WASF2: variants seen among roughly 807,000 people sequenced by gnomAD.
WASF2 encodes the protein actin-binding protein WASF2.
In WASF2, 14 loss-of-function variants were observed where a neutral mutation model predicts 45.0. That is an observed-to-expected ratio of 0.31 (90% confidence interval 0.21 to 0.49). The LOEUF is 0.49. Among genes scored for constraint, WASF2 ranks in the 20% least tolerant of loss-of-function variants. The probability of loss-of-function intolerance (pLI) is 0.99; values close to 1 mark genes in which losing one functional copy is unlikely to be tolerated. For missense variants in WASF2, 439 were observed against 636.1 expected (o/e 0.69, Z 3.33); for synonymous variants, 200 against 236.3 (o/e 0.85, Z 1.41).
intron 1 of WASF2, among the ~76,000 whole-genome samples, chr1:27,432,922 C>A (rs1282942115): frequency 6.6e-6 from 1 of 152,054 alleles, no homozygotes. Flanking sequence ...TGCCACCATG[C>A]CTGGCTAATT....
chr1:27,445,679 G>GT (rs2017301313), intron 1 of WASF2, among the ~76,000 whole-genome samples: 6 of 152,126 alleles, frequency 3.9e-5, no homozygotes, highest in African/African-American at 1.4e-4. Context: ...CCCAGCCTCA[G>GT]ATAACATGTG....
chr1:27,436,488 T>C (rs1217721555), intron 1 of WASF2, among the ~76,000 whole-genome samples: 1 of 152,052 alleles, frequency 6.6e-6, no homozygotes, highest in Non-Finnish European at 1.5e-5. Flanking sequence ...AAAAAGAATA[T>C]GCATTTCACT....
At chr1:27,465,663 T>C (rs1426639686) in intron 1 of WASF2, among the ~76,000 whole-genome samples, 4 of 152,144 alleles carry the variant, frequency 2.6e-5, no homozygotes, top group Admixed American at 6.6e-5. Flanking sequence ...AAAATGGCAA[T>C]GGCTAAGGAA....
chr1:27,479,278 T>A (rs1187321432), intron 1 of WASF2, among the ~76,000 whole-genome samples: 1 of 143,360 alleles, frequency 7.0e-6, no homozygotes, highest in Non-Finnish European at 1.5e-5. Flanking sequence ...AGAGTGAGAC[T>A]CCATCTCAAA....
chr1:27,420,514 C>CTTTTTT (rs782294669), intron 2 of WASF2, among the ~76,000 whole-genome samples: 31 of 82,494 alleles, frequency 3.8e-4, no homozygotes, highest in Non-Finnish European at 4.6e-4. Flanking sequence ...ACCATCTGAG[C>CTTTTTT]TTTTTTTTTT....
At chr1:27,486,898 T>G (rs1163918584) in intron 1 of WASF2, among the ~76,000 whole-genome samples, 2 of 150,670 alleles carry the variant, frequency 1.3e-5, no homozygotes, top group Admixed American at 1.3e-4. Context: ...CCCTCCAGCC[T>G]GGGTGACTGA....
chr1:27,420,514 C>CTTTTTTTTTTTTTT (rs782294669), intron 2 of WASF2, among the ~76,000 whole-genome samples: 1 of 82,490 alleles, frequency 1.2e-5, no homozygotes, highest in Non-Finnish European at 2.0e-5. Context: ...ACCATCTGAG[C>CTTTTTTTTTTTTTT]TTTTTTTTTT....
At chr1:27,474,560 A>C (rs2017739258) in intron 1 of WASF2, among the ~76,000 whole-genome samples, 1 of 151,694 alleles carries the variant, frequency 6.6e-6, no homozygotes, top group Non-Finnish European at 1.5e-5. Context: ...TCACGAGGTC[A>C]CAAGATCGAG....
intron 1 of WASF2, among the ~76,000 whole-genome samples, chr1:27,478,663 A>C (rs1421042143): frequency 6.6e-6 from 1 of 151,902 alleles, no homozygotes; most frequent in African/African-American, 2.4e-5. Flanking sequence ...GCTCACTGCA[A>C]ACTCCGCCTC....
chr1:27,476,797 A>G (rs1291413571), intron 1 of WASF2, among the ~76,000 whole-genome samples: 2 of 152,194 alleles, frequency 1.3e-5, no homozygotes, highest in Admixed American at 6.5e-5. Context: ...ACAATAGTGA[A>G]ATCTTCCCAG....
chr1:27,483,772 A>G (rs1442421276), intron 1 of WASF2, among the ~76,000 whole-genome samples: 1 of 151,860 alleles, frequency 6.6e-6, no homozygotes, highest in African/African-American at 2.4e-5. Context: ...TGGGCAACAT[A>G]GTTAGACCTC....
At position 27,412,716 on chromosome 1, in the gene WASF2, G is replaced by C. The variant is rs142575533; in HGVS notation, c.680C>G (p.Thr227Ser). The stretch of plus-strand genomic sequence containing the variant: ...AATGCTGCCATTCTGGTACACCAAA[G>C]TGGGTGGATACCTGACAATGAACCG... ...EKLGTSGYPP[T>S]LVYQNGSIGC... Residue 227 changes from threonine (T) to serine (S), a missense_variant, in exon 7 of 9, where the codon ACT becomes AGT. Physicochemically the swap from Thr to Ser is moderately conservative, Grantham distance 58. Coordinates refer to ENST00000618852, the MANE Select transcript of WASF2 (RefSeq NM_006990.5). The C allele has an allele frequency of 6.2e-7, 1 of 1,614,218 alleles. No individual in the cohort carries two copies. The highest frequency in any genetic ancestry group is 8.5e-7 in the Non-Finnish European group (1 of 1,180,040).
At position 27,407,736 on chromosome 1, in the gene WASF2, C is replaced by A; in HGVS notation, c.*453G>T. On this transcript the variant is annotated 3_prime_UTR_variant, in exon 9 of 9. Transcript: ENST00000618852. ...TTCGGCCTACTCTGCCCTTTCAGTG[C>A]GCGGGAAAGGGGTCAGCTGTGTTCA... 1 of 156,670 alleles carries A rather than the reference C, an allele frequency of 6.4e-6. No individual in the cohort carries two copies. The highest frequency in any genetic ancestry group is 1.4e-5 in the Non-Finnish European group (1 of 70,960). 9.7% of individuals were successfully genotyped at this position (156,670 alleles called of 1,614,324 possible).
At chr1:27,480,507 C>T (rs2017832081) in intron 1 of WASF2, among the ~76,000 whole-genome samples, 1 of 149,610 alleles carries the variant, frequency 6.7e-6, no homozygotes, top group South Asian at 2.1e-4. Context: ...CAGAATGAGA[C>T]TCCATCTAAA....
intron 2 of WASF2, among the ~76,000 whole-genome samples, chr1:27,425,702 G>A (rs758784743): frequency 6.6e-6 from 1 of 152,134 alleles, no homozygotes; most frequent in South Asian, 2.1e-4. Context: ...AGCCAGGCAT[G>A]GTGGCGGGCG....
intron 2 of WASF2, 148 bp from the exon 3 acceptor site, chr1:27,419,236 G>C: frequency 1.3e-6 from 1 of 765,308 alleles, no homozygotes; most frequent in Non-Finnish European, 2.1e-6. Flanking sequence ...ATATGCAGAT[G>C]ACTGCTCTTA....
intron 1 of WASF2, among the ~76,000 whole-genome samples, chr1:27,486,881 G>A (rs370989937): frequency 6.3e-4 from 95 of 151,018 alleles, no homozygotes; most frequent in African/African-American, 2.1e-3. Context: ...CCGAGATCAC[G>A]CCACTGCCCT....
chr1:27,415,939 C>T (rs1302226092), intron 5 of WASF2, 46 bp downstream of exon 5: 3 of 1,509,652 alleles, frequency 2.0e-6, no homozygotes, highest in Non-Finnish European at 1.8e-6. Context: ...TCCCCCTCCA[C>T]AATCGTGCCT....
At chr1:27,457,555 G>A (rs750685831) in intron 1 of WASF2, among the ~76,000 whole-genome samples, 1 of 148,896 alleles carries the variant, frequency 6.7e-6, no homozygotes, top group Non-Finnish European at 1.5e-5. Context: ...ATAGAAGAAT[G>A]GAAGAATGGA....
Sources: allele counts gnomAD v4.1 joint callset (sites outside exome capture counted in the v4.1 genomes callset), GRCh38; gene constraint gnomAD v4.1.1; transcripts MANE v1.5; gene names NCBI Gene and HGNC (gene_info 2026-07-23, HGNC 2026-07-21).